ZFHX3: variants seen among roughly 807,000 people sequenced by gnomAD.
ZFHX3 encodes zinc finger homeobox protein 3.
ZFHX3 carries 42 observed loss-of-function variants against 279.1 expected under a neutral mutation model. The observed-to-expected ratio is 0.15, with a 90% CI of 0.12 to 0.19. The LOEUF is 0.19. Among genes scored for constraint, ZFHX3 ranks in the 10% least tolerant of loss-of-function variants. ZFHX3 has a pLI of 1.00. For synonymous variants in ZFHX3, 2,293 were observed against 1,957.8 expected (o/e 1.17, Z -4.52); for missense variants, 4,981 against 4,754.0 (o/e 1.05, Z -1.40).
chr16:72,949,161 C>T (rs998104247), intron 3 of ZFHX3, among the ~76,000 whole-genome samples: 1 of 152,214 alleles, frequency 6.6e-6, no homozygotes, highest in African/African-American at 2.4e-5. Flanking sequence ...ATTATCAACC[C>T]CGGCAGAGGC....
At chr16:73,161,280 C>A (rs1353248621) in intron 5 of ZFHX3, among the ~76,000 whole-genome samples, 1 of 152,122 alleles carries the variant, frequency 6.6e-6, no homozygotes. Context: ...CCCACAGTCA[C>A]TTTCTAAAGT....
chr16:73,245,346 T>C (rs2013248415), intron 5 of ZFHX3, among the ~76,000 whole-genome samples: 1 of 152,212 alleles, frequency 6.6e-6, no homozygotes, highest in Admixed American at 6.5e-5. Flanking sequence ...CATAGCTCAC[T>C]GTAGCCTCAA....
At chr16:73,396,893 G>C (rs938546471) in intron 3 of ZFHX3, among the ~76,000 whole-genome samples, 4 of 152,190 alleles carry the variant, frequency 2.6e-5, no homozygotes, top group African/African-American at 9.6e-5. Flanking sequence ...GGTGAGGTGT[G>C]GCCATGTGGA....
chr16:73,334,840 A>G (rs2015881789), intron 3 of ZFHX3, among the ~76,000 whole-genome samples: 1 of 33,186 alleles, frequency 3.0e-5, no homozygotes. Flanking sequence ...TTTTTTTGCA[A>G]AATGAATGCT....
At chr16:73,650,887 G>A (rs1288106931) in intron 2 of ZFHX3, among the ~76,000 whole-genome samples, 2 of 151,652 alleles carry the variant, frequency 1.3e-5, no homozygotes, top group African/African-American at 4.8e-5. Context: ...AGTATGTTAG[G>A]GAAAAATGCA....
chr16:72,931,708 A>G (rs1959818165), intron 3 of ZFHX3, among the ~76,000 whole-genome samples: 1 of 152,148 alleles, frequency 6.6e-6, no homozygotes, highest in Admixed American at 6.5e-5. Context: ...GGGATGATAC[A>G]GCCACAAGCA....
At chr16:72,792,045 G>C (rs927792588) in intron 9 of ZFHX3, among the ~76,000 whole-genome samples, 1 of 152,136 alleles carries the variant, frequency 6.6e-6, no homozygotes, top group East Asian at 1.9e-4. Flanking sequence ...AGGCCATTGT[G>C]GGGGGAATTT....
upstream of ZFHX3, chr16:73,061,504 G>T: frequency 6.8e-6 from 1 of 147,474 alleles, no homozygotes; most frequent in African/African-American, 2.5e-5. Flanking sequence ...TCCGGTTTCT[G>T]ATTATTATTT....
intron 1 of ZFHX3, among the ~76,000 whole-genome samples, chr16:73,860,984 A>AC (rs1961868311): frequency 7.1e-6 from 1 of 140,666 alleles, no homozygotes; most frequent in Non-Finnish European, 1.6e-5. Flanking sequence ...TTTTTTGCAG[A>AC]TTTTTTTTTT....
chr16:73,245,047 T>A (rs78655564), intron 5 of ZFHX3, among the ~76,000 whole-genome samples: 2,389 of 152,220 alleles, frequency 0.016, 67 homozygotes, highest in African/African-American at 0.052. Context: ...CAGCAACCTA[T>A]TCTTGGAAAC....
At chr16:73,096,893 C>A (rs1461460161) in intron 7 of ZFHX3, among the ~76,000 whole-genome samples, 1 of 152,116 alleles carries the variant, frequency 6.6e-6, no homozygotes, top group African/African-American at 2.4e-5. Flanking sequence ...AAGACTGGCA[C>A]CTTTGCCCAA....
chr16:73,278,196 C>G (rs779426869), intron 4 of ZFHX3, among the ~76,000 whole-genome samples: 6 of 152,118 alleles, frequency 3.9e-5, no homozygotes, highest in Admixed American at 3.3e-4. Context: ...AGAAGTTTCT[C>G]AAACTAAATA....
intron 2 of ZFHX3, among the ~76,000 whole-genome samples, chr16:73,524,745 G>A (rs897397263): frequency 6.6e-6 from 1 of 152,146 alleles, no homozygotes; most frequent in East Asian, 1.9e-4. Flanking sequence ...CTCTTATTAG[G>A]GTTAGTGTGC....
intron 5 of ZFHX3, among the ~76,000 whole-genome samples, chr16:73,214,593 G>T (rs1341376922): frequency 6.6e-6 from 1 of 152,024 alleles, no homozygotes; most frequent in East Asian, 1.9e-4. Context: ...CTTGATTCAT[G>T]GTGTTGACCT....
intron 1 of ZFHX3, among the ~76,000 whole-genome samples, chr16:73,745,272 T>C (rs962378019): frequency 7.9e-5 from 12 of 152,222 alleles, no homozygotes; most frequent in Admixed American, 2.6e-4. Context: ...TTTCATAATA[T>C]GTTGACTTCT....
intron 2 of ZFHX3, among the ~76,000 whole-genome samples, chr16:73,664,989 T>C (rs768574216): frequency 2.6e-5 from 4 of 152,208 alleles, no homozygotes; most frequent in Non-Finnish European, 4.4e-5. Flanking sequence ...GGCAGATGTA[T>C]TTATTCATTT....
chr16:73,064,234 A>C (rs1046309900), upstream of ZFHX3, among the ~76,000 whole-genome samples: 2 of 152,046 alleles, frequency 1.3e-5, no homozygotes, highest in African/African-American at 2.4e-5. Flanking sequence ...CGGGAAGTAC[A>C]CGGACAGGGA....
intron 4 of ZFHX3, among the ~76,000 whole-genome samples, chr16:73,259,287 A>AATTAC (rs1398374840): frequency 3.3e-5 from 5 of 152,156 alleles, no homozygotes; most frequent in Non-Finnish European, 7.4e-5. Flanking sequence ...GATTGTACTA[A>AATTAC]ATTACACTCC....
At chr16:73,570,200 C>T (rs1424508457) in intron 2 of ZFHX3, among the ~76,000 whole-genome samples, 3 of 152,054 alleles carry the variant, frequency 2.0e-5, no homozygotes, top group Non-Finnish European at 4.4e-5. Context: ...CACTGAGTTA[C>T]CCAAAAAAAG....
Sources: allele counts gnomAD v4.1 joint callset (sites outside exome capture counted in the v4.1 genomes callset), GRCh38; gene constraint gnomAD v4.1.1; transcripts MANE v1.5; gene names NCBI Gene and HGNC (gene_info 2026-07-23, HGNC 2026-07-21).